Variants in COA6 observed in about 807,000 individuals in gnomAD.
COA6 encodes the protein cytochrome c oxidase assembly factor 6 homolog.
In COA6, 12 loss-of-function variants were observed where a neutral mutation model predicts 17.1. That is an observed-to-expected ratio of 0.70 (90% CI 0.45 to 1.14). The LOEUF is 1.14. Ranked by LOEUF, COA6 falls within the 50% of genes most tolerant of loss-of-function variation. The pLI, the probability that COA6 is intolerant of heterozygous loss-of-function variation, is 0.00. For synonymous variants in COA6, 90 were observed against 73.4 expected (o/e 1.23, Z -1.16); for missense variants, 246 against 196.5 (o/e 1.25, Z -1.51).
At chr1:234,377,629 T>C (rs1490312436) in intron 2 of COA6, among the ~76,000 whole-genome samples, 3 of 152,192 alleles carry the variant, frequency 2.0e-5, no homozygotes, top group Non-Finnish European at 2.9e-5. Context: ...GGCTGTGAGC[T>C]CAGCTGCTGT....
intron 2 of COA6, among the ~76,000 whole-genome samples, 185 bp from the exon 3 acceptor site, chr1:234,383,538 A>G (rs896823957): frequency 6.6e-6 from 1 of 150,722 alleles, no homozygotes; most frequent in Non-Finnish European, 1.5e-5. Flanking sequence ...AGTATAATAA[A>G]AAAAAAAAGA....
rs934442045 is a variant in COA6, at chr1:234,384,634, A to G, written c.*816A>G. ...ATAAATCTAATATATGGAGGCCTCTATGCTGAGAACTAGAAAACACTTGGA... is the reference window on the plus strand; with the variant it reads ...ATAAATCTAATATATGGAGGCCTCTGTGCTGAGAACTAGAAAACACTTGGA... On this transcript the variant is annotated 3_prime_UTR_variant, in exon 3 of 3. Coordinates refer to ENST00000366615, the MANE Select transcript of COA6 (RefSeq NM_001206641.3). 2.0e-5 allele frequency among the ~76,000 whole-genome samples: 3 copies of G among 152,268 alleles called. No homozygotes were observed. Among genetic ancestry groups the G allele is most frequent in the African/African-American group, 7.2e-5 (3 of 41,472 alleles).
chr1:234,384,207 G>A lies in COA6; in HGVS notation c.*389G>A, dbSNP rs1211141271. Among the ~76,000 whole-genome samples the A allele has an allele frequency of 1.3e-5, 2 of 152,054 alleles. No homozygotes were observed. Among genetic ancestry groups the A allele is most frequent in the Non-Finnish European group, 2.9e-5 (2 of 68,012 alleles). The stretch of plus-strand genomic sequence containing the variant: ...CAAGTGAGAAATGATGAGGGTTTGT[G>A]GAAGGTTTATAAGGAAGAAGGGTGA... On this transcript the variant is annotated 3_prime_UTR_variant, in exon 3 of 3. Transcript: ENST00000366615.
At chr1:234,383,041 AGGGAGGGAGGG>A (rs1558126762) in intron 2 of COA6, among the ~76,000 whole-genome samples, 2 of 11,848 alleles carry the variant, frequency 1.7e-4, no homozygotes, top group African/African-American at 7.3e-4. Context: ...GAAGGAAGGG[AGGGAGGGAGGG>A]AGGGAGGGAG....
chr1:234,379,088 C>G (rs1159228465), intron 2 of COA6, among the ~76,000 whole-genome samples: 1 of 150,422 alleles, frequency 6.6e-6, no homozygotes. Context: ...CCATGTTGCC[C>G]AGGCTGGTCT....
intron 2 of COA6, among the ~76,000 whole-genome samples, chr1:234,380,281 G>A (rs1407021635): frequency 6.6e-6 from 1 of 152,226 alleles, no homozygotes; most frequent in African/African-American, 2.4e-5. Flanking sequence ...AGGCACACGG[G>A]AGGGCAAGTA....
In COA6 at chr1:234,384,915, A is replaced by G. The variant is rs1659083496; in HGVS notation, c.*1097A>G. On this transcript the variant is annotated 3_prime_UTR_variant, in exon 3 of 3. Coordinates refer to ENST00000366615, the MANE Select transcript of COA6 (RefSeq NM_001206641.3). ...ACCACTGCATTAAAGTGAATATCAC[A>G]ATAGAGTGGGTTACACAAATGTTTT... is the stretch of plus-strand genomic sequence containing the variant. Among the ~76,000 whole-genome samples, 1 of 152,256 alleles carries G rather than the reference A, an allele frequency of 6.6e-6. No homozygotes were observed. The highest frequency in any genetic ancestry group is 6.5e-5 in the Admixed American group (1 of 15,284).
intron 2 of COA6, among the ~76,000 whole-genome samples, chr1:234,379,377 T>C (rs545625752): frequency 1.3e-5 from 2 of 152,206 alleles, no homozygotes; most frequent in African/African-American, 4.8e-5. Context: ...ATTGGAATTA[T>C]GGAAGGGTTC....
rs60899682 is a variant in COA6, at chr1:234,377,133, T to TTTTTTGTTG, written c.372+2746_372+2747insTTTGTTGTT. 3.0e-4 allele frequency among the ~76,000 whole-genome samples: 21 copies of TTTTTTGTTG among 69,572 alleles called. 6 individuals carry two copies. The highest frequency in any genetic ancestry group is 1.9e-3 in the African/African-American group (21 of 10,920). The allele number at this position is 69,572 out of a possible 152,430, so 45.6% of individuals were successfully genotyped here. ...CTCTGTCTCCTCTTTTTTTGTTTTT[T>TTTTTTGTTG]TTGTTGTTGTTGAGACAGAGTCTCA... On this transcript the variant is annotated intron_variant, in intron 2 of 2. Coordinates refer to ENST00000366615, the MANE Select transcript of COA6 (RefSeq NM_001206641.3).
At chr1:234,380,402 A>G (rs1572173549) in intron 2 of COA6, among the ~76,000 whole-genome samples, 3 of 152,336 alleles carry the variant, frequency 2.0e-5, no homozygotes, top group South Asian at 4.1e-4. Flanking sequence ...AATAGGAACT[A>G]AGGTTCAGAA....
intron 2 of COA6, among the ~76,000 whole-genome samples, chr1:234,381,749 G>A (rs1658978023): frequency 6.6e-6 from 1 of 152,196 alleles, no homozygotes; most frequent in Non-Finnish European, 1.5e-5. Flanking sequence ...GAAAAGAGAT[G>A]TAAGTGTCTA....
chr1:234,377,133 T>TTTTTTTTTGTTG lies in COA6; in HGVS notation c.372+2746_372+2747insTTTTTTGTTGTT, dbSNP rs60899682. Among the ~76,000 whole-genome samples, 7 of 69,572 alleles carry TTTTTTTTTGTTG rather than the reference T, an allele frequency of 1.0e-4. 2 individuals are homozygous for TTTTTTTTTGTTG. Among genetic ancestry groups the TTTTTTTTTGTTG allele is most frequent in the African/African-American group, 6.4e-4 (7 of 10,920 alleles). The allele number at this position is 69,572 out of a possible 152,430, so 45.6% of individuals were successfully genotyped here. A position where few individuals can be genotyped will look rare whatever the true frequency, so the allele number is the denominator to read the frequency against. ...CTCTGTCTCCTCTTTTTTTGTTTTT[T>TTTTTTTTTGTTG]TTGTTGTTGTTGAGACAGAGTCTCA... is the stretch of plus-strand genomic sequence containing the variant. On this transcript the variant is annotated intron_variant, in intron 2 of 2. Coordinates refer to ENST00000366615, the MANE Select transcript of COA6 (RefSeq NM_001206641.3).
intron 2 of COA6, among the ~76,000 whole-genome samples, chr1:234,376,390 C>T (rs1658793178): frequency 6.6e-6 from 1 of 152,192 alleles, no homozygotes. Context: ...CAACCTCTCT[C>T]CAGGTCACTG....
chr1:234,374,020 C>A, intron 1 of COA6: 1 of 945,112 alleles, frequency 1.1e-6, no homozygotes, highest in Non-Finnish European at 1.5e-6. Flanking sequence ...GTGAGATAAG[C>A]CTCAAGAGCG....
At chr1:234,383,065 A>AGGGG (rs1558126812) in intron 2 of COA6, among the ~76,000 whole-genome samples, 4 of 42,592 alleles carry the variant, frequency 9.4e-5, no homozygotes, top group Admixed American at 2.7e-4. Flanking sequence ...GGAGGGAGGG[A>AGGGG]GGGAAGGGAA....
intron 2 of COA6, among the ~76,000 whole-genome samples, chr1:234,379,190 C>G (rs567947405): frequency 3.3e-5 from 5 of 151,474 alleles, no homozygotes; most frequent in Non-Finnish European, 5.9e-5. Context: ...ATGGTTGGTG[C>G]TTTTACTCTT....
chr1:234,373,457 T>A lies in COA6; in HGVS notation c.-10T>A. ...CGAAACAGGAAGTCCCGCCCCTCTA[T>A]GGAAAGTAAATGGTAGCTCGGAAGG... On this transcript the variant is annotated 5_prime_UTR_variant, in exon 1 of 3. The change abolishes an upstream ATG in the 5' untranslated region. Transcript: ENST00000366615. The A allele has an allele frequency of 6.7e-7, 1 of 1,500,078 alleles. No homozygotes were observed. Among genetic ancestry groups the A allele is most frequent in the Non-Finnish European group, 8.9e-7 (1 of 1,123,312 alleles). 92.9% of individuals were successfully genotyped at this position (1,500,078 alleles called of 1,614,324 possible).
chr1:234,378,830 G>A (rs894760606), intron 2 of COA6, among the ~76,000 whole-genome samples: 1 of 151,820 alleles, frequency 6.6e-6, no homozygotes, highest in Non-Finnish European at 1.5e-5. Flanking sequence ...CTGAGATTAT[G>A]CCACTGCACT....
intron 2 of COA6, among the ~76,000 whole-genome samples, chr1:234,377,103 C>CGAGAGAGAGAGAGAGA (rs1658826838): frequency 2.8e-5 from 1 of 35,638 alleles, no homozygotes; most frequent in Non-Finnish European, 5.1e-5. Context: ...AGAGAGAGAT[C>CGAGAGAGAGAGAGAGA]CAGTCTCTGT....
Sources: allele counts gnomAD v4.1 joint callset (sites outside exome capture counted in the v4.1 genomes callset), GRCh38; gene constraint gnomAD v4.1.1; transcripts MANE v1.5; gene names NCBI Gene and HGNC (gene_info 2026-07-23, HGNC 2026-07-21).